PPP3CC: variants seen among roughly 807,000 people sequenced by gnomAD.
The protein encoded by PPP3CC is protein phosphatase 3 catalytic subunit gamma.
Under a neutral mutation model 60.3 loss-of-function variants are expected in PPP3CC, and 35 were observed. The ratio of observed to expected loss-of-function variants is 0.58; its 90% CI spans 0.44 to 0.77. The LOEUF is 0.77. Ranked by LOEUF, PPP3CC falls within the 30% of genes least tolerant of loss-of-function variation. The probability of loss-of-function intolerance (pLI) is 0.00; values close to 1 mark genes in which losing one functional copy is unlikely to be tolerated. For synonymous variants in PPP3CC, 206 were observed against 224.3 expected, an observed-to-expected ratio of 0.92 and a Z score of 0.73; for missense variants, 570 against 628.9, an observed-to-expected ratio of 0.91 and a Z score of 1.00.
At chr8:22,495,469 G>T (rs998028986) in intron 3 of PPP3CC, among the ~76,000 whole-genome samples, 1 of 152,102 alleles carries the variant, frequency 6.6e-6, no homozygotes, top group South Asian at 2.1e-4. Flanking sequence ...CTTCAGGGTA[G>T]ATTCCTAGAA....
chr8:22,485,113 G>T (rs1838186968), intron 3 of PPP3CC, among the ~76,000 whole-genome samples: 1 of 152,142 alleles, frequency 6.6e-6, no homozygotes, highest in Non-Finnish European at 1.5e-5. Context: ...CATGTTACCG[G>T]CTGGAATCCC....
intron 4 of PPP3CC, among the ~76,000 whole-genome samples, chr8:22,508,284 A>G (rs993080676): frequency 3.3e-5 from 5 of 152,160 alleles, no homozygotes; most frequent in Admixed American, 3.3e-4. Flanking sequence ...TGGTATAATA[A>G]TAAATGTTAT....
chr8:22,527,630 C>T (rs1041992633), intron 9 of PPP3CC, 113 bp downstream of exon 9: 65 of 1,232,362 alleles, frequency 5.3e-5, no homozygotes, highest in Non-Finnish European at 7.0e-5. Flanking sequence ...TTGTTCTCTA[C>T]ATAGATTTTT....
At chr8:22,468,230 AG>A (rs1837607354) in intron 1 of PPP3CC, among the ~76,000 whole-genome samples, 1 of 152,034 alleles carries the variant, frequency 6.6e-6, no homozygotes. Flanking sequence ...CAGCCTCCCG[AG>A]TAGCTGGGAT....
chr8:22,480,293 G>A (rs1012289833), intron 3 of PPP3CC, among the ~76,000 whole-genome samples: 1 of 151,900 alleles, frequency 6.6e-6, no homozygotes, highest in Non-Finnish European at 1.5e-5. Context: ...TACAATTTTT[G>A]AAACATTTAT....
intron 12 of PPP3CC, among the ~76,000 whole-genome samples, chr8:22,537,498 C>G (rs940014135): frequency 3.3e-5 from 5 of 152,176 alleles, no homozygotes; most frequent in Non-Finnish European, 5.9e-5. Context: ...AACATTCTGA[C>G]AGGTCTTCAA....
At position 22,525,454 on chromosome 8, in the gene PPP3CC, C is replaced by T. The variant is rs186342976; in HGVS notation, c.944-1938C>T. 7.6e-3 allele frequency among the ~76,000 whole-genome samples: 1,150 copies of T among 150,366 alleles called. 11 individuals are homozygous for T. The highest frequency in any genetic ancestry group is 0.025 in the African/African-American group (1,000 of 40,462). ...TTTTCTTTTCTCTCTCTTTCTCTCT[C>T]TCTTTCTTTTCTTTCTTTTTCTTTC... On this transcript the variant is annotated intron_variant, in intron 8 of 13. Coordinates refer to ENST00000240139, the MANE Select transcript of PPP3CC (RefSeq NM_005605.5).
In PPP3CC at chr8:22,457,396, A is replaced by G. The variant is rs187996160; in HGVS notation, c.49+15938A>G. On this transcript the variant is annotated intron_variant, in intron 1 of 13. Coordinates refer to ENST00000240139, the MANE Select transcript of PPP3CC (RefSeq NM_005605.5). ...CGGCTCACTGCAACCTCCGCCTCCT[A>G]GGTTCAAGTGATTCTCCTGCCTCAG... Among the ~76,000 whole-genome samples, 996 of 151,422 alleles carry G rather than the reference A, an allele frequency of 6.6e-3. 6 individuals are homozygous for G. Among genetic ancestry groups the G allele is most frequent in the Non-Finnish European group, 0.011 (764 of 67,852 alleles).
At chr8:22,511,009 T>G in intron 4 of PPP3CC, 77 bp from the exon 5 acceptor site, 1 of 1,430,024 alleles carries the variant, frequency 7.0e-7, no homozygotes, top group Non-Finnish European at 9.6e-7. Context: ...AGTAGCTTCA[T>G]ATTCTCCTGG....
chr8:22,446,939 G>A (rs1836843237), intron 1 of PPP3CC, among the ~76,000 whole-genome samples: 2 of 152,048 alleles, frequency 1.3e-5, no homozygotes, highest in African/African-American at 2.4e-5. Flanking sequence ...ATGACTAATG[G>A]GAATAAAGGG....
At chr8:22,490,552 A>G (rs1389526561) in intron 3 of PPP3CC, among the ~76,000 whole-genome samples, 2 of 151,602 alleles carry the variant, frequency 1.3e-5, no homozygotes, top group African/African-American at 4.8e-5. Flanking sequence ...TGCTGCACCC[A>G]TTAACTCGTC....
intron 3 of PPP3CC, among the ~76,000 whole-genome samples, chr8:22,496,345 T>C (rs529402443): frequency 1.3e-5 from 2 of 152,148 alleles, no homozygotes; most frequent in South Asian, 4.2e-4. Flanking sequence ...CTCTTTTTAG[T>C]GTTTTCCTGG....
chr8:22,451,007 CTT>C (rs532339719), intron 1 of PPP3CC, among the ~76,000 whole-genome samples: 6 of 131,860 alleles, frequency 4.6e-5, no homozygotes, highest in Non-Finnish European at 5.0e-5. Flanking sequence ...GCTAATTTTT[CTT>C]TTTTTTTTTT....
intron 3 of PPP3CC, among the ~76,000 whole-genome samples, chr8:22,489,358 C>T (rs969768647): frequency 2.4e-4 from 36 of 151,512 alleles, no homozygotes; most frequent in Admixed American, 6.6e-5. Context: ...TCTTTTTGTG[C>T]TTATCTGTGA....
At chr8:22,520,863 G>A (rs1034643426) in intron 6 of PPP3CC, among the ~76,000 whole-genome samples, 3 of 152,096 alleles carry the variant, frequency 2.0e-5, no homozygotes, top group African/African-American at 7.2e-5. Context: ...TTTTTGCCTG[G>A]TTCTTTATAA....
intron 6 of PPP3CC, 116 bp from the exon 7 acceptor site, chr8:22,522,375 G>A: frequency 6.8e-6 from 5 of 735,912 alleles, no homozygotes; most frequent in Non-Finnish European, 1.1e-5. Context: ...TCAGTAGTGT[G>A]TAATACTTGT....
chr8:22,479,686 G>A (rs1021252782), intron 3 of PPP3CC, among the ~76,000 whole-genome samples: 1 of 149,880 alleles, frequency 6.7e-6, no homozygotes, highest in African/African-American at 2.5e-5. Flanking sequence ...GGAGGTTGCA[G>A]TGAGCCCAGA....
intron 1 of PPP3CC, among the ~76,000 whole-genome samples, chr8:22,474,190 C>T (rs1563707191): frequency 6.6e-6 from 1 of 152,040 alleles, no homozygotes. Context: ...CCATGGTGCC[C>T]GGCCGAGACT....
At chr8:22,539,643 C>T (rs559747839) in intron 13 of PPP3CC, 145 bp downstream of exon 13, 19 of 798,142 alleles carry the variant, frequency 2.4e-5, no homozygotes, top group Non-Finnish European at 3.1e-5. Flanking sequence ...GGCATGTTAA[C>T]GAAGCAGGTG....
Sources: gnomAD v4.1 joint callset for allele counts (sites outside exome capture counted in the v4.1 genomes callset) on GRCh38, gnomAD v4.1.1 for gene constraint, MANE v1.5 for transcripts, NCBI Gene and HGNC (gene_info 2026-07-23, HGNC 2026-07-21) for gene names.